TRAPPC9: variants seen among roughly 807,000 people sequenced by gnomAD.
TRAPPC9 encodes the protein IKK2 binding protein.
TRAPPC9 carries 83 observed loss-of-function variants against 124.0 expected under a neutral mutation model. The ratio of observed to expected loss-of-function variants is 0.67; its 90% confidence interval spans 0.56 to 0.80. The LOEUF (loss-of-function observed/expected upper bound fraction) is 0.80. Among genes scored for constraint, TRAPPC9 ranks in the 30% least tolerant of loss-of-function variants. The pLI is 0.00. For missense variants in TRAPPC9, 1,302 were observed against 1,508.3 expected (o/e 0.86, Z 2.27); for synonymous variants, 638 against 617.5 (o/e 1.03, Z -0.49).
At chr8:140,034,721 T>C (rs1840764690) in intron 17 of TRAPPC9, among the ~76,000 whole-genome samples, 1 of 152,248 alleles carries the variant, frequency 6.6e-6, no homozygotes, top group South Asian at 2.1e-4. Flanking sequence ...TCAGAAACTT[T>C]AAGTCCTACC....
intron 17 of TRAPPC9, among the ~76,000 whole-genome samples, chr8:140,190,175 G>T (rs892543196): frequency 6.6e-6 from 1 of 152,154 alleles, no homozygotes; most frequent in Non-Finnish European, 1.5e-5. Flanking sequence ...CACTAATCCG[G>T]CCAGGCGCGG....
At chr8:139,856,739 A>G (rs1471723686) in intron 21 of TRAPPC9, among the ~76,000 whole-genome samples, 2 of 152,010 alleles carry the variant, frequency 1.3e-5, no homozygotes, top group Non-Finnish European at 2.9e-5. Flanking sequence ...ACCTGCAAAA[A>G]AAAAAAAAAA....
chr8:140,189,023 T>A (rs1402005180), intron 17 of TRAPPC9, among the ~76,000 whole-genome samples: 2 of 152,188 alleles, frequency 1.3e-5, no homozygotes, highest in Non-Finnish European at 2.9e-5. Flanking sequence ...CAAATAACAC[T>A]ACAAATGCTT....
chr8:139,840,835 TTG>T (rs1249537930), intron 21 of TRAPPC9, among the ~76,000 whole-genome samples: 1 of 152,220 alleles, frequency 6.6e-6, no homozygotes, highest in Non-Finnish European at 1.5e-5. Flanking sequence ...TGTCCTTCCC[TTG>T]TGCCCATGAA....
At chr8:140,143,756 T>C (rs1022841428) in intron 17 of TRAPPC9, among the ~76,000 whole-genome samples, 2 of 152,250 alleles carry the variant, frequency 1.3e-5, no homozygotes, top group African/African-American at 2.4e-5. Context: ...CATAACCAAA[T>C]GTCCCAGCAT....
intron 20 of TRAPPC9, among the ~76,000 whole-genome samples, chr8:139,894,448 G>C (rs1258673511): frequency 6.6e-6 from 1 of 152,142 alleles, no homozygotes; most frequent in Non-Finnish European, 1.5e-5. Context: ...AGTGGCCTGG[G>C]CTCAGCCCCA....
At chr8:139,974,872 G>A (rs112373074) in intron 19 of TRAPPC9, among the ~76,000 whole-genome samples, 3 of 151,924 alleles carry the variant, frequency 2.0e-5, no homozygotes, top group South Asian at 2.1e-4. Flanking sequence ...CTCCCTCTCC[G>A]CCTTGTTCCC....
At chr8:140,356,215 A>T (rs1563969895) in intron 9 of TRAPPC9, among the ~76,000 whole-genome samples, 1 of 152,176 alleles carries the variant, frequency 6.6e-6, no homozygotes, top group Admixed American at 6.5e-5. Flanking sequence ...ACAGCAACAG[A>T]GCAATTAACA....
At chr8:140,204,247 G>A (rs2062864867) in intron 17 of TRAPPC9, among the ~76,000 whole-genome samples, 1 of 151,994 alleles carries the variant, frequency 6.6e-6, no homozygotes, top group Non-Finnish European at 1.5e-5. Context: ...TGATAGACTG[G>A]ATTAAGAAAA....
At chr8:140,387,155 C>T (rs576229990) in intron 7 of TRAPPC9, among the ~76,000 whole-genome samples, 2 of 152,250 alleles carry the variant, frequency 1.3e-5, no homozygotes, top group African/African-American at 4.8e-5. Context: ...ACACCTTATA[C>T]AAAAATTAAT....
chr8:140,035,630 G>A (rs900567994), intron 17 of TRAPPC9, among the ~76,000 whole-genome samples: 7 of 152,166 alleles, frequency 4.6e-5, no homozygotes, highest in African/African-American at 9.7e-5. Flanking sequence ...ACTGTCGTTC[G>A]GCAAGGTGAG....
intron 5 of TRAPPC9, among the ~76,000 whole-genome samples, chr8:140,409,299 G>A (rs978536650): frequency 1.3e-5 from 2 of 152,112 alleles, no homozygotes; most frequent in African/African-American, 4.8e-5. Flanking sequence ...TTAAAAGCCT[G>A]ACAACACACA....
At chr8:140,393,212 C>T (rs1258904891) in intron 7 of TRAPPC9, among the ~76,000 whole-genome samples, 1 of 152,076 alleles carries the variant, frequency 6.6e-6, no homozygotes, top group African/African-American at 2.4e-5. Flanking sequence ...GCTGGTATTA[C>T]AGGTGCCCCC....
rs191786898 is a variant in TRAPPC9, at chr8:140,129,552, C to T, written c.2556+91907G>A. 1.0e-3 allele frequency among the ~76,000 whole-genome samples: 153 copies of T among 152,130 alleles called. 1 individual carries two copies. The East Asian group carries it at 0.022, about 21-fold the overall frequency. Reference sequence around the variant, plus strand: ...GGCACGGGGGATGGAACCCGAGCTGCGTGGGCAGGATGTCCACACAGGGGG... The same window carrying T: ...GGCACGGGGGATGGAACCCGAGCTGTGTGGGCAGGATGTCCACACAGGGGG... On this transcript the variant is annotated intron_variant, in intron 17 of 22. Transcript: ENST00000438773.
At chr8:140,403,264 A>G (rs1047423780) in intron 6 of TRAPPC9, among the ~76,000 whole-genome samples, 4 of 152,062 alleles carry the variant, frequency 2.6e-5, no homozygotes, top group African/African-American at 9.7e-5. Flanking sequence ...CTCTGTGTCT[A>G]CTAAAAATAT....
At chr8:140,159,838 G>A (rs1047806849) in intron 17 of TRAPPC9, among the ~76,000 whole-genome samples, 4 of 152,162 alleles carry the variant, frequency 2.6e-5, no homozygotes, top group African/African-American at 4.8e-5. Context: ...CCACCGCATC[G>A]ACCACGTTCC....
intron 5 of TRAPPC9, among the ~76,000 whole-genome samples, chr8:140,408,381 T>C (rs950714105): frequency 3.9e-5 from 6 of 152,076 alleles, no homozygotes; most frequent in Admixed American, 1.3e-4. Flanking sequence ...ACTGAGCTGC[T>C]ACCACACAAG....
chr8:139,889,737 T>C (rs1293740949), intron 20 of TRAPPC9, among the ~76,000 whole-genome samples: 4 of 152,098 alleles, frequency 2.6e-5, no homozygotes, highest in Non-Finnish European at 5.9e-5. Flanking sequence ...AACAGAGAAC[T>C]GAGAAATCTC....
At chr8:139,736,233 C>T (rs1186041262) in intron 21 of TRAPPC9, among the ~76,000 whole-genome samples, 1 of 152,218 alleles carries the variant, frequency 6.6e-6, no homozygotes, top group African/African-American at 2.4e-5. Context: ...TTGCTCTCTG[C>T]TCTGTCCCTG....
Sources: gnomAD v4.1 joint callset for allele counts (sites outside exome capture counted in the v4.1 genomes callset) on GRCh38, gnomAD v4.1.1 for gene constraint, MANE v1.5 for transcripts, NCBI Gene and HGNC (gene_info 2026-07-23, HGNC 2026-07-21) for gene names.